ZCWPW2: variants seen among roughly 807,000 people sequenced by gnomAD.
ZCWPW2 encodes zinc finger CW-type PWWP domain protein 2.
A neutral mutation model predicts 46.6 loss-of-function variants in ZCWPW2; 45 were observed. The observed-to-expected ratio is 0.96, with a 90% CI of 0.76 to 1.24. ZCWPW2 has a LOEUF of 1.24. Among genes scored for constraint, ZCWPW2 ranks in the 50% most tolerant of loss-of-function variants. The pLI is 0.00. For missense variants in ZCWPW2, 429 were observed against 403.9 expected (o/e 1.06, Z -0.53); for synonymous variants, 152 against 137.1 (o/e 1.11, Z -0.76).
rs1699658731 is a variant in ZCWPW2, at chr3:28,487,860, T to C, written c.611-4267T>C. 2.6e-5 allele frequency among the ~76,000 whole-genome samples: 4 copies of C among 151,944 alleles called. No individual in the cohort carries two copies. In the East Asian group the frequency reaches 7.7e-4, roughly 29 times the overall value. On this transcript the variant is annotated intron_variant, in intron 5 of 9. Transcript: ENST00000383768. Reference sequence around the variant, plus strand: ...TTTTTTTCTTCACCTACATAGATAGTAAAGGATGGCTAGACGGGGCTGGAG... The same window carrying C: ...TTTTTTTCTTCACCTACATAGATAGCAAAGGATGGCTAGACGGGGCTGGAG...
chr3:28,436,327 T>TC (rs1284593745), intron 4 of ZCWPW2, among the ~76,000 whole-genome samples: 1 of 141,122 alleles, frequency 7.1e-6, no homozygotes, highest in Admixed American at 7.0e-5. Context: ...TTTTTTCTTT[T>TC]TTTTTTTTTT....
intron 4 of ZCWPW2, among the ~76,000 whole-genome samples, chr3:28,462,151 C>T (rs1251713226): frequency 1.3e-5 from 2 of 152,222 alleles, no homozygotes; most frequent in South Asian, 2.1e-4. Flanking sequence ...AACACAAAGG[C>T]CAGGGCCACT....
intron 4 of ZCWPW2, among the ~76,000 whole-genome samples, chr3:28,463,759 T>A (rs1011914150): frequency 1.3e-5 from 2 of 151,964 alleles, no homozygotes; most frequent in African/African-American, 4.8e-5. Context: ...GAGGATCCCT[T>A]GAGCTCAGGG....
chr3:28,462,296 G>T (rs1037248905), intron 4 of ZCWPW2, among the ~76,000 whole-genome samples: 1 of 152,240 alleles, frequency 6.6e-6, no homozygotes, highest in African/African-American at 2.4e-5. Context: ...CAGGGAGGTT[G>T]AACCCATGCT....
chr3:28,356,608 T>C (rs1000500922), intron 1 of ZCWPW2, among the ~76,000 whole-genome samples: 5 of 152,216 alleles, frequency 3.3e-5, no homozygotes, highest in African/African-American at 1.2e-4. Context: ...CTAACCCAAA[T>C]GTCCATCAGT....
At chr3:28,500,140 T>C (rs555908235) in intron 6 of ZCWPW2, among the ~76,000 whole-genome samples, 9 of 152,210 alleles carry the variant, frequency 5.9e-5, no homozygotes, top group African/African-American at 1.9e-4. Flanking sequence ...AGAAGGATTA[T>C]GCTGAAGTGC....
At chr3:28,373,541 C>T (rs1253948143) in intron 1 of ZCWPW2, among the ~76,000 whole-genome samples, 7 of 151,956 alleles carry the variant, frequency 4.6e-5, no homozygotes, top group Admixed American at 4.6e-4. Flanking sequence ...GTGGTGCAAT[C>T]TCTGGCTCAC....
At chr3:28,480,838 T>C (rs897532172) in intron 5 of ZCWPW2, among the ~76,000 whole-genome samples, 5 of 151,390 alleles carry the variant, frequency 3.3e-5, no homozygotes, top group Non-Finnish European at 7.4e-5. Flanking sequence ...ATTTATTAAG[T>C]AGGGAATCCT....
Position 28,524,879 on chromosome 3 carries a change from G to C in ZCWPW2, c.*191G>C, listed in dbSNP as rs549892167. The C allele has an allele frequency of 9.2e-4, 330 of 357,560 alleles. No homozygotes were observed. Among genetic ancestry groups the C allele is most frequent in the African/African-American group, 6.4e-3 (303 of 47,350 alleles). The allele number at this position is 357,560 out of a possible 1,614,324, so 22.1% of individuals were successfully genotyped here. A position where few individuals can be genotyped will look rare whatever the true frequency, so the allele number is the denominator to read the frequency against. ...CCAGTCAAATGGTATTTAAGTTAGT[G>C]TTAAAAATTTAGAATTAAAAAACCC... is the stretch of plus-strand genomic sequence containing the variant. On this transcript the variant is annotated 3_prime_UTR_variant, in exon 10 of 10. Coordinates refer to ENST00000383768, the MANE Select transcript of ZCWPW2 (RefSeq NM_001040432.4).
rs142497099 is a variant in ZCWPW2 at position 28,350,569 on chromosome 3, G to A, written c.-134+1366G>A. On this transcript the variant is annotated intron_variant, in intron 1 of 9. Transcript: ENST00000383768. ...TATTTTAGTCAAGTAAAACATCTTAGTTTTTCTTTTTGGGTTGTAGAACCC... is the reference window on the plus strand; with the variant it reads ...TATTTTAGTCAAGTAAAACATCTTAATTTTTCTTTTTGGGTTGTAGAACCC... Among the ~76,000 whole-genome samples the A allele has an allele frequency of 2.5e-3, 387 of 152,206 alleles. 1 individual carries two copies. The highest frequency in any genetic ancestry group is 8.5e-3 in the African/African-American group (351 of 41,536).
At chr3:28,440,961 G>T (rs1272334826) in intron 4 of ZCWPW2, among the ~76,000 whole-genome samples, 1 of 152,140 alleles carries the variant, frequency 6.6e-6, no homozygotes, top group Non-Finnish European at 1.5e-5. Flanking sequence ...CTCAGTGTTG[G>T]TCTCTGCTGC....
intron 8 of ZCWPW2, among the ~76,000 whole-genome samples, chr3:28,516,510 A>G (rs1333491303): frequency 2.0e-5 from 3 of 151,990 alleles, no homozygotes; most frequent in South Asian, 2.1e-4. Context: ...TTCAAAGGCA[A>G]TTTCCTCCTT....
rs138932233 is a variant in ZCWPW2 at position 28,360,391 on chromosome 3, C to T, written c.-134+11188C>T. Among the ~76,000 whole-genome samples, 919 of 144,438 alleles carry T rather than the reference C, an allele frequency of 6.4e-3. 8 individuals are homozygous for T. The highest frequency in any genetic ancestry group is 0.02 in the African/African-American group (765 of 38,748). The allele number at this position is 144,438 out of a possible 152,430, so 94.8% of individuals were successfully genotyped here. ...AAAAAAAAATAGCCAGGCATGGTGGCGGGTGCCTGTAGTTCCAGCTACTTG... is the reference window on the plus strand; with the variant it reads ...AAAAAAAAATAGCCAGGCATGGTGGTGGGTGCCTGTAGTTCCAGCTACTTG... On this transcript the variant is annotated intron_variant, in intron 1 of 9. Coordinates refer to ENST00000383768, the MANE Select transcript of ZCWPW2 (RefSeq NM_001040432.4).
intron 5 of ZCWPW2, among the ~76,000 whole-genome samples, chr3:28,487,635 A>G (rs1356819330): frequency 2.6e-5 from 4 of 151,968 alleles, no homozygotes; most frequent in South Asian, 2.1e-4. Context: ...TGTCTCTTCA[A>G]ATTTTCTTTT....
At chr3:28,361,400 A>G (rs36105900) in intron 1 of ZCWPW2, among the ~76,000 whole-genome samples, 34,743 of 152,170 alleles carry the variant, frequency 0.23, 4,407 homozygotes, top group Middle Eastern at 0.3. Context: ...AATGAAGCAT[A>G]TGAAAAAATA....
intron 4 of ZCWPW2, among the ~76,000 whole-genome samples, chr3:28,458,718 A>G (rs1420499413): frequency 6.6e-6 from 1 of 152,198 alleles, no homozygotes; most frequent in Non-Finnish European, 1.5e-5. Flanking sequence ...GTAAACTGGA[A>G]AGCCGCACAG....
chr3:28,368,337 G>T (rs1027196537), intron 1 of ZCWPW2, among the ~76,000 whole-genome samples: 1 of 151,956 alleles, frequency 6.6e-6, no homozygotes, highest in Non-Finnish European at 1.5e-5. Context: ...GTAGAGGCCT[G>T]CCCTACAAGA....
chr3:28,421,465 G>GT (rs1418746350), intron 3 of ZCWPW2, among the ~76,000 whole-genome samples: 1 of 152,096 alleles, frequency 6.6e-6, no homozygotes, highest in Admixed American at 6.6e-5. Flanking sequence ...TTTCCATGAT[G>GT]TTTTTCTGGG....
intron 5 of ZCWPW2, among the ~76,000 whole-genome samples, chr3:28,484,136 G>A (rs1321515827): frequency 6.6e-6 from 1 of 151,316 alleles, no homozygotes; most frequent in Non-Finnish European, 1.5e-5. Context: ...TCTTTATGAA[G>A]CTGAGGAAGT....
Sources: gnomAD v4.1 joint callset for allele counts (sites outside exome capture counted in the v4.1 genomes callset) on GRCh38, gnomAD v4.1.1 for gene constraint, MANE v1.5 for transcripts, NCBI Gene and HGNC (gene_info 2026-07-23, HGNC 2026-07-21) for gene names.